LCMT1: variants seen among roughly 807,000 people sequenced by gnomAD.
LCMT1 encodes leucine carboxyl methyltransferase 1, also known as [Phosphatase 2A protein]-leucine-carboxy methyltransferase 1.
LCMT1 carries 32 observed loss-of-function variants against 47.7 expected under a neutral mutation model. That is an observed-to-expected ratio of 0.67 (90% CI 0.51 to 0.90). LCMT1 has a LOEUF of 0.90. LCMT1 is among the 40% of genes least tolerant of loss of function. The pLI, the probability that LCMT1 is intolerant of heterozygous loss-of-function variation, is 0.00. For synonymous variants in LCMT1, 152 were observed against 149.7 expected (o/e 1.02, Z -0.11); for missense variants, 375 against 415.2 (o/e 0.90, Z 0.84).
chr16:25,135,034 C>T (rs577780007), intron 3 of LCMT1, among the ~76,000 whole-genome samples: 79 of 152,192 alleles, frequency 5.2e-4, no homozygotes, highest in African/African-American at 1.8e-3. Flanking sequence ...CCTGAGACCC[C>T]GTTGACTTGT....
chr16:25,132,206 C>G, intron 2 of LCMT1, 196 bp from the exon 3 acceptor site: 1 of 583,940 alleles, frequency 1.7e-6, no homozygotes, highest in Non-Finnish European at 3.1e-6. Context: ...TTATACTTAC[C>G]TTGGTTCAGA....
intron 9 of LCMT1, among the ~76,000 whole-genome samples, chr16:25,171,940 C>T (rs1034638684): frequency 2.6e-5 from 4 of 152,066 alleles, no homozygotes; most frequent in African/African-American, 9.7e-5. Flanking sequence ...TGTAAACCAC[C>T]ATCCTTTTTG....
intron 5 of LCMT1, 60 bp from the exon 6 acceptor site, chr16:25,161,042 C>T: frequency 2.1e-6 from 2 of 973,386 alleles, no homozygotes; most frequent in Non-Finnish European, 3.1e-6. Flanking sequence ...AACCATAAGG[C>T]TACTATAACT....
At chr16:25,162,447 G>T (rs1354278232) in intron 6 of LCMT1, among the ~76,000 whole-genome samples, 1 of 151,928 alleles carries the variant, frequency 6.6e-6, no homozygotes. Context: ...AAAATCAGCT[G>T]GGCGTGGTGG....
intron 1 of LCMT1, among the ~76,000 whole-genome samples, chr16:25,119,730 C>T (rs1252380354): frequency 6.6e-6 from 1 of 152,150 alleles, no homozygotes; most frequent in African/African-American, 2.4e-5. Context: ...CTGATGACAT[C>T]TTCTTAGCTA....
At chr16:25,117,851 C>CA (rs796928842) in intron 1 of LCMT1, among the ~76,000 whole-genome samples, 1,394 of 111,420 alleles carry the variant, frequency 0.013, 9 homozygotes, top group South Asian at 0.027. Context: ...GACTCCGTCT[C>CA]AAAAAAAAAA....
intron 3 of LCMT1, among the ~76,000 whole-genome samples, chr16:25,134,560 C>T (rs546593301): frequency 1.3e-5 from 2 of 152,208 alleles, no homozygotes; most frequent in African/African-American, 4.8e-5. Context: ...AGGAGGGTGA[C>T]CTTCCCTTTT....
intron 7 of LCMT1, among the ~76,000 whole-genome samples, chr16:25,165,179 T>C (rs771519053): frequency 8.5e-5 from 13 of 152,192 alleles, no homozygotes; most frequent in Non-Finnish European, 1.8e-4. Context: ...GTTGTTATCA[T>C]GTAGGCATGT....
intron 3 of LCMT1, among the ~76,000 whole-genome samples, chr16:25,138,825 C>T (rs139166408): frequency 4.1e-4 from 62 of 152,310 alleles, no homozygotes; most frequent in East Asian, 2.3e-3. Context: ...TTTGGATCCC[C>T]GTGTGATAAT....
At chr16:25,118,231 C>T (rs1959859042) in intron 1 of LCMT1, among the ~76,000 whole-genome samples, 1 of 152,046 alleles carries the variant, frequency 6.6e-6, no homozygotes, top group African/African-American at 2.4e-5. Context: ...GTGTACTTCC[C>T]CAGCCTCACT....
At chr16:25,132,668 A>G in intron 3 of LCMT1, 145 bp downstream of exon 3, 3 of 758,746 alleles carry the variant, frequency 4.0e-6, no homozygotes, top group Non-Finnish European at 6.2e-6. Flanking sequence ...AGATGCCCCT[A>G]CGACTCTCAG....
chr16:25,126,487 G>C (rs953384215), intron 1 of LCMT1, among the ~76,000 whole-genome samples: 3 of 152,160 alleles, frequency 2.0e-5, no homozygotes, highest in African/African-American at 7.2e-5. Context: ...TCTGAGAGAG[G>C]CCTCCCCCGT....
intron 1 of LCMT1, among the ~76,000 whole-genome samples, chr16:25,125,788 C>T (rs567795085): frequency 2.6e-5 from 4 of 151,712 alleles, no homozygotes; most frequent in African/African-American, 9.7e-5. Flanking sequence ...GCCGAGATCA[C>T]GCCATTGCAC....
intron 3 of LCMT1, among the ~76,000 whole-genome samples, chr16:25,134,448 C>T (rs980094466): frequency 6.6e-6 from 1 of 152,216 alleles, no homozygotes. Flanking sequence ...CTTCCAGGAT[C>T]CTGCAGCCAG....
At chr16:25,125,578 T>TG (rs1352225670) in intron 1 of LCMT1, among the ~76,000 whole-genome samples, 1 of 152,066 alleles carries the variant, frequency 6.6e-6, no homozygotes, top group East Asian at 1.9e-4. Context: ...CTCACACCTG[T>TG]AATCCCAGCA....
At chr16:25,155,890 C>T (rs570252322) in intron 5 of LCMT1, among the ~76,000 whole-genome samples, 11 of 152,242 alleles carry the variant, frequency 7.2e-5, no homozygotes, top group African/African-American at 2.6e-4. Context: ...CTATGTTGCT[C>T]AGGTTGGTCT....
At chr16:25,123,335 C>T (rs1399339190) in intron 1 of LCMT1, among the ~76,000 whole-genome samples, 1 of 150,370 alleles carries the variant, frequency 6.7e-6, no homozygotes, top group Non-Finnish European at 1.5e-5. Flanking sequence ...AGCTATTATC[C>T]TGCCTTAGCC....
At chr16:25,140,272 CA>C in intron 4 of LCMT1, 25 bp downstream of exon 4, 1 of 1,518,474 alleles carries the variant, frequency 6.6e-7, no homozygotes, top group Non-Finnish European at 9.0e-7. Context: ...GCCAGAAGAA[CA>C]AAAGCCAGCG....
At chr16:25,165,441 A>T (rs1961558662) in intron 7 of LCMT1, among the ~76,000 whole-genome samples, 1 of 151,936 alleles carries the variant, frequency 6.6e-6, no homozygotes, top group African/African-American at 2.4e-5. Context: ...CATTCTCTGG[A>T]GTTGGGCGTT....
Sources: gnomAD v4.1 joint callset for allele counts (sites outside exome capture counted in the v4.1 genomes callset) on GRCh38, gnomAD v4.1.1 for gene constraint, MANE v1.5 for transcripts, NCBI Gene and HGNC (gene_info 2026-07-23, HGNC 2026-07-21) for gene names.